Variants in CDV3 observed in about 807,000 individuals in gnomAD.
CDV3 encodes protein CDV3 homolog.
Under a neutral mutation model 24.5 loss-of-function variants are expected in CDV3, and 14 were observed. The observed-to-expected ratio is 0.57, with a 90% CI of 0.38 to 0.89. The LOEUF (loss-of-function observed/expected upper bound fraction) is 0.89, where lower values mean the gene tolerates loss of function less well. CDV3 is among the 40% of genes least tolerant of loss of function. The pLI is 0.00. For missense variants in CDV3, 304 were observed against 310.2 expected (o/e 0.98, Z 0.15); for synonymous variants, 114 against 114.1 (o/e 1.00, Z 0.00).
At chr3:133,574,452 C>T in intron 1 of CDV3, 168 bp downstream of exon 1, 1 of 986,352 alleles carries the variant, frequency 1.0e-6, no homozygotes, top group Non-Finnish European at 1.2e-6. Context: ...CTCGCCAGGG[C>T]CGGGACCCCT....
At chr3:133,578,357 T>G (rs2074895279) in intron 2 of CDV3, among the ~76,000 whole-genome samples, 1 of 152,242 alleles carries the variant, frequency 6.6e-6, no homozygotes, top group Non-Finnish European at 1.5e-5. Context: ...TTGTCACGTT[T>G]CAGTAAATAA....
intron 2 of CDV3, among the ~76,000 whole-genome samples, chr3:133,577,446 A>C (rs569943858): frequency 1.3e-5 from 2 of 150,198 alleles, no homozygotes; most frequent in African/African-American, 4.9e-5. Flanking sequence ...CCGCAACCTC[A>C]GCCTCCCGGG....
chr3:133,578,806 C>T (rs1039464794), intron 2 of CDV3, among the ~76,000 whole-genome samples: 6 of 152,138 alleles, frequency 3.9e-5, no homozygotes, highest in African/African-American at 1.4e-4. Flanking sequence ...TTAGCTGCTT[C>T]CCCCTAGTGT....
At position 133,586,548 on chromosome 3, in the gene CDV3, GT is replaced by G; in HGVS notation, c.467-13del. On this transcript the variant is annotated splice_polypyrimidine_tract_variant and intron_variant, in intron 3 of 4. Transcript: ENST00000264993. ...CATTTAAATAGTTTATCTAAAAATT[GT>G]TATAAAATATTAGTTACAGAAACCC... 1 of 1,415,206 alleles carries G rather than the reference GT, an allele frequency of 7.1e-7. No homozygotes were observed. The highest frequency in any genetic ancestry group is 9.8e-7 in the Non-Finnish European group (1 of 1,015,354). The allele number at this position is 1,415,206 out of a possible 1,614,324, so 87.7% of individuals were successfully genotyped here. A position where few individuals can be genotyped will look rare whatever the true frequency, so the allele number is the denominator to read the frequency against.
intron 3 of CDV3, among the ~76,000 whole-genome samples, chr3:133,585,642 G>A (rs932598645): frequency 1.3e-5 from 2 of 151,750 alleles, no homozygotes; most frequent in South Asian, 4.2e-4. Flanking sequence ...TTACAGGCGT[G>A]CACCACCATG....
At chr3:133,574,387 C>G in intron 1 of CDV3, 103 bp downstream of exon 1, 1 of 942,528 alleles carries the variant, frequency 1.1e-6, no homozygotes, top group Non-Finnish European at 1.3e-6. Context: ...GCCGCGGAGG[C>G]CGGGCGGACG....
intron 2 of CDV3, 120 bp from the exon 3 acceptor site, chr3:133,583,882 T>G: frequency 1.4e-6 from 1 of 696,330 alleles, no homozygotes; most frequent in Non-Finnish European, 2.4e-6. Flanking sequence ...AATAAGACGT[T>G]CAGTCTCGAA....
intron 2 of CDV3, 40 bp from the exon 3 acceptor site, chr3:133,583,962 T>A (rs773779474): frequency 8.6e-6 from 13 of 1,519,414 alleles, no homozygotes; most frequent in African/African-American, 1.4e-5. Flanking sequence ...GAAAATTTTC[T>A]TGGTGATTCC....
rs1250173856 is a variant in CDV3 at position 133,575,489 on chromosome 3, G to A, written c.317+374G>A. Among the ~76,000 whole-genome samples the A allele has an allele frequency of 2.6e-5, 4 of 152,204 alleles. No individual in the cohort carries two copies. The East Asian group carries it at 7.7e-4, about 29-fold the overall frequency. On this transcript the variant is annotated intron_variant, in intron 2 of 4. Transcript: ENST00000264993. Reference sequence around the variant, plus strand: ...TTCACATCCTCTCCAATAAGCAAGTGAATATATGTTTTTGTAATTGAAGTA... The same window carrying A: ...TTCACATCCTCTCCAATAAGCAAGTAAATATATGTTTTTGTAATTGAAGTA...
At position 133,579,965 on chromosome 3, in the gene CDV3, CTTAT is replaced by C. The variant is rs1464890492; in HGVS notation, c.318-4030_318-4027del. ...TATTTCAGAATCTTAACCCAAAATACTTATTTATTTTTATTATTATTATACTTTA... is the reference window on the plus strand; with the variant it reads ...TATTTCAGAATCTTAACCCAAAATACTTATTTTTATTATTATTATACTTTA... On this transcript the variant is annotated intron_variant, in intron 2 of 4. Transcript: ENST00000264993. Among the ~76,000 whole-genome samples the C allele has an allele frequency of 1.4e-4, 21 of 152,242 alleles. No individual in the cohort carries two copies. The East Asian group carries it at 3.5e-3, about 25-fold the overall frequency.
chr3:133,577,590 C>T (rs1205855782), intron 2 of CDV3, among the ~76,000 whole-genome samples: 1 of 152,130 alleles, frequency 6.6e-6, no homozygotes, highest in Non-Finnish European at 1.5e-5. Context: ...AAACTCCCGA[C>T]CTCGGGTGAT....
chr3:133,574,030 G>C lies in CDV3; in HGVS notation c.-15G>C. 4 of 1,131,402 alleles carry C rather than the reference G, an allele frequency of 3.5e-6. No individual in the cohort carries two copies. Among genetic ancestry groups the C allele is most frequent in the Non-Finnish European group, 4.4e-6 (4 of 907,334 alleles). 70.1% of individuals were successfully genotyped at this position (1,131,402 alleles called of 1,614,324 possible). ...GCCGCCGGCCCCACCCATCCGGGTC[G>C]AGGAGGCCGAGGCCATGGCTGAGAC... On this transcript the variant is annotated 5_prime_UTR_variant, in exon 1 of 5. Coordinates refer to ENST00000264993, the MANE Select transcript of CDV3 (RefSeq NM_017548.5).
chr3:133,583,273 C>G (rs1342914337), intron 2 of CDV3, among the ~76,000 whole-genome samples: 1 of 152,172 alleles, frequency 6.6e-6, no homozygotes, highest in Admixed American at 6.5e-5. Context: ...AATTCTAATT[C>G]TGAGAGTATT....
At chr3:133,575,672 C>A (rs1576633642) in intron 2 of CDV3, among the ~76,000 whole-genome samples, 1 of 152,264 alleles carries the variant, frequency 6.6e-6, no homozygotes, top group South Asian at 2.1e-4. Flanking sequence ...AACCACTATT[C>A]TAACACCATA....
At chr3:133,579,409 TG>T (rs1214052234) in intron 2 of CDV3, among the ~76,000 whole-genome samples, 11 of 152,232 alleles carry the variant, frequency 7.2e-5, no homozygotes, top group Admixed American at 6.5e-4. Flanking sequence ...AATAACCGTT[TG>T]GAACGTGTTT....
intron 2 of CDV3, among the ~76,000 whole-genome samples, chr3:133,580,257 G>C (rs922207047): frequency 6.6e-6 from 1 of 152,138 alleles, no homozygotes; most frequent in African/African-American, 2.4e-5. Context: ...TGCTGAGAAT[G>C]ATGGTTTCCA....
At position 133,579,090 on chromosome 3, in the gene CDV3, T is replaced by TA. The variant is rs535192142; in HGVS notation, c.317+3976dup. Among the ~76,000 whole-genome samples, 213 of 152,328 alleles carry TA rather than the reference T, an allele frequency of 1.4e-3. 3 individuals are homozygous for TA. The highest frequency in any genetic ancestry group is 5.0e-3 in the African/African-American group (206 of 41,566). Reference sequence around the variant, plus strand: ...ACTTTGTAGCCCTGGGGAAGGTACTTATGTTTCCTCATACATACATACAGT... The same window carrying TA: ...ACTTTGTAGCCCTGGGGAAGGTACTTAATGTTTCCTCATACATACATACAGT... On this transcript the variant is annotated intron_variant, in intron 2 of 4. Coordinates refer to ENST00000264993, the MANE Select transcript of CDV3 (RefSeq NM_017548.5).
Position 133,588,108 on chromosome 3 carries a change from A to G in CDV3, c.*62A>G, listed in dbSNP as rs1356051037. On this transcript the variant is annotated 3_prime_UTR_variant, in exon 5 of 5. Coordinates refer to ENST00000264993, the MANE Select transcript of CDV3 (RefSeq NM_017548.5). The stretch of plus-strand genomic sequence containing the variant: ...CTGCAGCTAACCACCACCAACAGCC[A>G]TTCATCATCTGATCTCTGCTGGATC... 2 of 1,584,614 alleles carry G rather than the reference A, an allele frequency of 1.3e-6. No homozygotes were observed. The highest frequency in any genetic ancestry group is 8.6e-7 in the Non-Finnish European group (1 of 1,166,086).
intron 3 of CDV3, among the ~76,000 whole-genome samples, chr3:133,585,526 A>C (rs1576656909): frequency 1.4e-5 from 2 of 138,584 alleles, no homozygotes; most frequent in African/African-American, 2.7e-5. Flanking sequence ...ACAAAGTCTC[A>C]CTCTCTTGCC....
Sources: gnomAD v4.1 joint callset for allele counts (sites outside exome capture counted in the v4.1 genomes callset) on GRCh38, gnomAD v4.1.1 for gene constraint, MANE v1.5 for transcripts, NCBI Gene and HGNC (gene_info 2026-07-23, HGNC 2026-07-21) for gene names.